HGF: variants seen among roughly 807,000 people sequenced by gnomAD.
The protein encoded by HGF is hepatocyte growth factor.
In HGF, 39 loss-of-function variants were observed where a neutral mutation model predicts 111.6. The ratio of observed to expected loss-of-function variants is 0.35; its 90% CI spans 0.27 to 0.46. HGF has a LOEUF of 0.46. HGF is among the 20% of genes least tolerant of loss of function. The probability of loss-of-function intolerance (pLI) is 1.00; values close to 1 mark genes in which losing one functional copy is unlikely to be tolerated. For synonymous variants in HGF, 285 were observed against 294.8 expected (o/e 0.97, Z 0.34); for missense variants, 735 against 910.5 (o/e 0.81, Z 2.48).
intron 1 of HGF, among the ~76,000 whole-genome samples, chr7:81,765,811 T>A (rs1162817151): frequency 6.6e-6 from 1 of 152,212 alleles, no homozygotes; most frequent in South Asian, 2.1e-4. Flanking sequence ...CTTGTTTTAC[T>A]GAAAACAGTT....
intron 7 of HGF, among the ~76,000 whole-genome samples, chr7:81,737,839 T>C (rs1181804625): frequency 6.6e-6 from 1 of 152,154 alleles, no homozygotes; most frequent in Non-Finnish European, 1.5e-5. Flanking sequence ...AATTTGGGCT[T>C]CCCAATAATG....
chr7:81,725,869 C>T (rs1201540984), intron 9 of HGF, 21 bp downstream of exon 9: 4 of 1,613,832 alleles, frequency 2.5e-6, no homozygotes, highest in Admixed American at 3.3e-5. Context: ...CATGCCCACC[C>T]TGCAGAATGT....
At chr7:81,708,239 T>C (rs1351750354) in intron 13 of HGF, among the ~76,000 whole-genome samples, 1 of 152,084 alleles carries the variant, frequency 6.6e-6, no homozygotes, top group Non-Finnish European at 1.5e-5. Flanking sequence ...CTTTTCAGTA[T>C]GAGTTTTGGA....
chr7:81,757,664 A>G (rs1031856814), intron 3 of HGF, among the ~76,000 whole-genome samples: 1 of 152,178 alleles, frequency 6.6e-6, no homozygotes, highest in African/African-American at 2.4e-5. Flanking sequence ...TTTAAAACCT[A>G]TATTGAATTC....
Position 81,702,201 on chromosome 7 carries a change from A to G in HGF, c.*380T>C, listed in dbSNP as rs1382878093. ...TATAAATTGTTTTGGTGAGGTTAAA[A>G]TAACATTTAATTTGTGGTTTACTCA... On this transcript the variant is annotated 3_prime_UTR_variant, in exon 18 of 18. Transcript: ENST00000222390. 1 of 245,992 alleles carries G rather than the reference A, an allele frequency of 4.1e-6. No homozygotes were observed. 15.2% of individuals were successfully genotyped at this position (245,992 alleles called of 1,614,324 possible).
chr7:81,702,187 T>C lies in HGF; in HGVS notation c.*394A>G, dbSNP rs1038792244. 3 of 238,472 alleles carry C rather than the reference T, an allele frequency of 1.3e-5. No homozygotes were observed. Among genetic ancestry groups the C allele is most frequent in the Non-Finnish European group, 2.5e-5 (3 of 121,116 alleles). 14.8% of individuals were successfully genotyped at this position (238,472 alleles called of 1,614,324 possible). On this transcript the variant is annotated 3_prime_UTR_variant, in exon 18 of 18. Coordinates refer to ENST00000222390, the MANE Select transcript of HGF (RefSeq NM_000601.6). ...TTAGGGACACAAGGTATAAATTGTT[T>C]TGGTGAGGTTAAAATAACATTTAAT...
chr7:81,703,364 T>G (rs903226031), intron 17 of HGF, among the ~76,000 whole-genome samples: 3 of 151,034 alleles, frequency 2.0e-5, no homozygotes, highest in Non-Finnish European at 4.4e-5. Context: ...ATTCCTCCAG[T>G]TACTGCTGGT....
intron 7 of HGF, among the ~76,000 whole-genome samples, chr7:81,731,267 T>C (rs1211036611): frequency 1.3e-5 from 2 of 152,202 alleles, no homozygotes; most frequent in East Asian, 3.9e-4. Flanking sequence ...TAAATAACTT[T>C]ATTGCAGCCC....
At chr7:81,735,868 C>A (rs1275441661) in intron 7 of HGF, among the ~76,000 whole-genome samples, 1 of 152,014 alleles carries the variant, frequency 6.6e-6, no homozygotes, top group African/African-American at 2.4e-5. Flanking sequence ...CTTGCTATGT[C>A]CTTACATGGT....
chr7:81,709,639 T>TTTAACTA (rs1485559087), intron 13 of HGF, among the ~76,000 whole-genome samples: 1 of 152,144 alleles, frequency 6.6e-6, no homozygotes. Context: ...ATCAAGACTA[T>TTTAACTA]TTAACTATTG....
In HGF at chr7:81,750,030, A is replaced by G. The variant is rs564054071; in HGVS notation, c.625+2090T>C. 1.8e-3 allele frequency among the ~76,000 whole-genome samples: 273 copies of G among 152,252 alleles called. 3 individuals are homozygous for G. Among genetic ancestry groups the G allele is most frequent in the Non-Finnish European group, 1.7e-3 (117 of 67,990 alleles). On this transcript the variant is annotated intron_variant, in intron 5 of 17. Transcript: ENST00000222390. ...ATAACTTACCATTTAATTTGTATCC[A>G]TGGATAGAAATGGCCCATCTATTAT...
rs115482181 is a variant in HGF at position 81,745,602 on chromosome 7, T to C, written c.626-482A>G. ...GGTTAATGACATAATCAAGACCACA[T>C]AGATTTAAGAGACTGGCTTCATATA... On this transcript the variant is annotated intron_variant, in intron 5 of 17. Coordinates refer to ENST00000222390, the MANE Select transcript of HGF (RefSeq NM_000601.6). 1.8e-3 allele frequency among the ~76,000 whole-genome samples: 275 copies of C among 152,328 alleles called. 1 individual carries two copies. Among genetic ancestry groups the C allele is most frequent in the African/African-American group, 5.4e-3 (223 of 41,576 alleles).
chr7:81,706,154 CA>C (rs1789419714), intron 15 of HGF, 132 bp downstream of exon 15: 3 of 792,666 alleles, frequency 3.8e-6, no homozygotes, highest in Non-Finnish European at 6.5e-6. Context: ...CGCATATATA[CA>C]TATATATACA....
At chr7:81,733,050 A>G (rs941480855) in intron 7 of HGF, among the ~76,000 whole-genome samples, 4 of 152,148 alleles carry the variant, frequency 2.6e-5, no homozygotes, top group African/African-American at 9.6e-5. Context: ...TATAAATCTC[A>G]TCACTTGAGC....
intron 11 of HGF, among the ~76,000 whole-genome samples, chr7:81,716,808 A>T (rs1369377618): frequency 6.6e-6 from 1 of 152,158 alleles, no homozygotes; most frequent in African/African-American, 2.4e-5. Context: ...AGGAAATAGA[A>T]GTACCACTAG....
At chr7:81,764,921 T>C (rs1400849565) in intron 1 of HGF, among the ~76,000 whole-genome samples, 1 of 152,040 alleles carries the variant, frequency 6.6e-6, no homozygotes, top group Non-Finnish European at 1.5e-5. Context: ...TATAATTTCC[T>C]GTATAAATTT....
chr7:81,757,891 G>C lies in HGF; in HGVS notation c.368-588C>G, dbSNP rs1046538326. Among the ~76,000 whole-genome samples, 7 of 151,924 alleles carry C rather than the reference G, an allele frequency of 4.6e-5. No individual in the cohort carries two copies. The South Asian group carries it at 1.5e-3, about 32-fold the overall frequency. On this transcript the variant is annotated intron_variant, in intron 3 of 17. Coordinates refer to ENST00000222390, the MANE Select transcript of HGF (RefSeq NM_000601.6). ...CAAGCTAGAAGACAGTTTGAAGTAA[G>C]AATGGTGTTATACTAGATCATGAAT... is the stretch of plus-strand genomic sequence containing the variant.
intron 5 of HGF, among the ~76,000 whole-genome samples, chr7:81,748,068 C>A (rs1178975864): frequency 6.6e-6 from 1 of 152,178 alleles, no homozygotes; most frequent in East Asian, 1.9e-4. Flanking sequence ...AAATGTTAAA[C>A]CTGAGCCAGG....
chr7:81,767,500 AT>A (rs1345914382), intron 1 of HGF, among the ~76,000 whole-genome samples: 1 of 152,116 alleles, frequency 6.6e-6, no homozygotes, highest in Non-Finnish European at 1.5e-5. Flanking sequence ...TTCCTTTCTT[AT>A]TTGTTCATCT....
Sources: allele counts gnomAD v4.1 joint callset (sites outside exome capture counted in the v4.1 genomes callset), GRCh38; gene constraint gnomAD v4.1.1; transcripts MANE v1.5; gene names NCBI Gene and HGNC (gene_info 2026-07-23, HGNC 2026-07-21).